The following HMGCLL1 variants were observed in gnomAD, a reference collection of about 807,000 sequenced individuals.
HMGCLL1 encodes 3-hydroxymethyl-3-methylglutaryl-CoA lyase, cytoplasmic.
A neutral mutation model predicts 39.1 loss-of-function variants in HMGCLL1; 36 were observed. The observed-to-expected ratio is 0.92, with a 90% confidence interval of 0.71 to 1.22. HMGCLL1 has a LOEUF of 1.22. Ranked by LOEUF, HMGCLL1 falls within the 50% of genes most tolerant of loss-of-function variation. The pLI is 0.00. For missense variants in HMGCLL1, 451 were observed against 416.5 expected (o/e 1.08, Z -0.72); for synonymous variants, 149 against 144.0 (o/e 1.03, Z -0.25).
At chr6:55,516,459 A>T in intron 4 of HMGCLL1, 49 bp downstream of exon 4, 1 of 1,203,020 alleles carries the variant, frequency 8.3e-7, no homozygotes, top group South Asian at 1.4e-5. Flanking sequence ...AAATATCTTT[A>T]AAACGATAAG....
intron 4 of HMGCLL1, among the ~76,000 whole-genome samples, chr6:55,515,925 T>C (rs1217647830): frequency 2.6e-5 from 4 of 152,200 alleles, no homozygotes; most frequent in East Asian, 3.9e-4. Context: ...AATAAGCCCA[T>C]ATACGGATAA....
chr6:55,504,019 A>AT (rs1317198989), intron 5 of HMGCLL1, among the ~76,000 whole-genome samples: 1 of 151,696 alleles, frequency 6.6e-6, no homozygotes, highest in Non-Finnish European at 1.5e-5. Flanking sequence ...TTGATTACAT[A>AT]TTTTTCCACT....
chr6:55,565,954 T>C (rs1422451311), intron 1 of HMGCLL1, among the ~76,000 whole-genome samples: 1 of 152,092 alleles, frequency 6.6e-6, no homozygotes, highest in African/African-American at 2.4e-5. Flanking sequence ...TTCTATAAAA[T>C]GCAAGGTTTG....
intron 3 of HMGCLL1, among the ~76,000 whole-genome samples, chr6:55,518,125 A>G (rs1767840997): frequency 1.3e-5 from 2 of 152,288 alleles, no homozygotes; most frequent in Non-Finnish European, 2.9e-5. Flanking sequence ...CCAAAGCTCT[A>G]TGCTAGGTCC....
the HMGCLL1 span, among the ~76,000 whole-genome samples, chr6:55,650,122 T>TACACACACATATAC: frequency 1.3e-5 from 1 of 78,656 alleles, no homozygotes; most frequent in Non-Finnish European, 2.3e-5. Context: ...TATATATATA[T>TACACACACATATAC]ATATATATAT....
At chr6:55,570,799 C>T (rs185967873) in intron 1 of HMGCLL1, among the ~76,000 whole-genome samples, 4 of 152,254 alleles carry the variant, frequency 2.6e-5, no homozygotes, top group East Asian at 1.9e-4. Flanking sequence ...TCCATGTTCA[C>T]GCTGCTGATA....
chr6:55,520,868 T>C (rs1456613694), intron 3 of HMGCLL1, among the ~76,000 whole-genome samples: 2 of 104,842 alleles, frequency 1.9e-5, no homozygotes, highest in Non-Finnish European at 4.2e-5. Context: ...AATATCTGTA[T>C]ATCTCTAGCC....
chr6:55,455,480 A>T (rs2127392100), intron 7 of HMGCLL1, among the ~76,000 whole-genome samples: 1 of 152,350 alleles, frequency 6.6e-6, no homozygotes, highest in African/African-American at 2.4e-5. Context: ...ACAGTTAAAT[A>T]TATAGAAGAA....
At chr6:55,468,836 G>GA (rs1265963858) in intron 7 of HMGCLL1, among the ~76,000 whole-genome samples, 3 of 151,814 alleles carry the variant, frequency 2.0e-5, no homozygotes, top group African/African-American at 4.8e-5. Flanking sequence ...GAATCAGGAA[G>GA]AAAAAAATCA....
chr6:55,574,995 A>G (rs1200523632), intron 1 of HMGCLL1, among the ~76,000 whole-genome samples: 1 of 152,050 alleles, frequency 6.6e-6, no homozygotes, highest in Admixed American at 6.6e-5. Context: ...AGGTCTTTGG[A>G]AATTTTATTT....
At chr6:55,484,225 A>T (rs1361762725) in intron 7 of HMGCLL1, among the ~76,000 whole-genome samples, 1 of 152,126 alleles carries the variant, frequency 6.6e-6, no homozygotes, top group East Asian at 1.9e-4. Flanking sequence ...ACCCATATAT[A>T]GCATTTAACA....
In HMGCLL1 at chr6:55,578,932, G is replaced by C; in HGVS notation, c.108+16C>G. The C allele has an allele frequency of 1.3e-6, 2 of 1,593,058 alleles. No homozygotes were observed. The highest frequency in any genetic ancestry group is 2.2e-5 in the South Asian group (2 of 89,366). ...TGCGCATGAGGGTGGGGACACCCTGGGCCGCGAGGTGGTACCTGCGCGGGG... is the reference window on the plus strand; with the variant it reads ...TGCGCATGAGGGTGGGGACACCCTGCGCCGCGAGGTGGTACCTGCGCGGGG... On this transcript the variant is annotated intron_variant, in intron 1 of 8. Coordinates refer to ENST00000274901, the MANE Select transcript of HMGCLL1 (RefSeq NM_001042406.2).
chr6:55,496,613 T>G (rs1029979043), intron 6 of HMGCLL1, among the ~76,000 whole-genome samples: 1 of 152,132 alleles, frequency 6.6e-6, no homozygotes, highest in Admixed American at 6.5e-5. Context: ...TGTTTTTCAT[T>G]ATATTTAGTG....
At chr6:55,577,899 T>C (rs577743862) in intron 1 of HMGCLL1, among the ~76,000 whole-genome samples, 1 of 152,306 alleles carries the variant, frequency 6.6e-6, no homozygotes, top group African/African-American at 2.4e-5. Context: ...ACCATGGCCA[T>C]CTTTTAAGTA....
chr6:55,457,421 T>A (rs1014360123), intron 7 of HMGCLL1, among the ~76,000 whole-genome samples: 22 of 152,122 alleles, frequency 1.4e-4, no homozygotes, highest in Admixed American at 4.6e-4. Flanking sequence ...TTAAGGAGGA[T>A]TTTCCCTCCC....
At chr6:55,553,085 G>A (rs899413630) in intron 1 of HMGCLL1, among the ~76,000 whole-genome samples, 2 of 150,246 alleles carry the variant, frequency 1.3e-5, no homozygotes, top group Admixed American at 1.3e-4. Flanking sequence ...GAAGATTGCA[G>A]TGAGCCGAGA....
At chr6:55,607,964 C>T in the HMGCLL1 span, among the ~76,000 whole-genome samples, 2 of 152,260 alleles carry the variant, frequency 1.3e-5, no homozygotes, top group African/African-American at 4.8e-5. Flanking sequence ...ATTCTTCTCT[C>T]ATTCTAATCT....
rs533036381 is a variant in HMGCLL1 at position 55,550,033 on chromosome 6, A to G, written c.109-7893T>C. On this transcript the variant is annotated intron_variant, in intron 1 of 8. Transcript: ENST00000274901. ...AAAATGAGCATTTGCGTGACTACAG[A>G]CACACAACAAAAATTCTCAGAAAAC... Among the ~76,000 whole-genome samples the G allele has an allele frequency of 4.1e-4, 63 of 152,062 alleles. 1 individual carries two copies. Among genetic ancestry groups the G allele is most frequent in the African/African-American group, 1.4e-3 (60 of 41,380 alleles).
the HMGCLL1 span, among the ~76,000 whole-genome samples, chr6:55,677,130 C>T: frequency 6.6e-6 from 1 of 152,204 alleles, no homozygotes; most frequent in African/African-American, 2.4e-5. Flanking sequence ...GGCACAGTGG[C>T]TCACGCTTGT....
Sources: gnomAD v4.1 joint callset for allele counts (sites outside exome capture counted in the v4.1 genomes callset) on GRCh38, gnomAD v4.1.1 for gene constraint, MANE v1.5 for transcripts, NCBI Gene and HGNC (gene_info 2026-07-23, HGNC 2026-07-21) for gene names.